The following CDK14 variants were observed in gnomAD, a reference collection of about 807,000 sequenced individuals.
CDK14 encodes cyclin dependent kinase 14, also known as cyclin-dependent kinase 14.
CDK14 carries 34 observed loss-of-function variants against 60.7 expected under a neutral mutation model. The observed-to-expected ratio is 0.56, with a 90% confidence interval of 0.43 to 0.75. The LOEUF is 0.75. Among genes scored for constraint, CDK14 ranks in the 30% least tolerant of loss-of-function variants. The probability of loss-of-function intolerance (pLI) is 0.00; values close to 1 mark genes in which losing one functional copy is unlikely to be tolerated. For missense variants in CDK14, 482 were observed against 564.1 expected (o/e 0.85, Z 1.47); for synonymous variants, 197 against 203.7 (o/e 0.97, Z 0.28).
intron 2 of CDK14, among the ~76,000 whole-genome samples, chr7:90,672,254 T>C (rs1230337222): frequency 1.3e-5 from 2 of 152,196 alleles, no homozygotes; most frequent in Non-Finnish European, 2.9e-5. Context: ...TGTAAAACCA[T>C]TACCACGGTT....
At chr7:91,163,687 G>A (rs1301319218) in intron 14 of CDK14, among the ~76,000 whole-genome samples, 1 of 152,040 alleles carries the variant, frequency 6.6e-6, no homozygotes, top group Non-Finnish European at 1.5e-5. Context: ...TACTTGTGCA[G>A]TAGATCTCAA....
chr7:90,691,325 G>T (rs143686035), intron 2 of CDK14, among the ~76,000 whole-genome samples: 2 of 152,082 alleles, frequency 1.3e-5, no homozygotes, highest in Non-Finnish European at 2.9e-5. Context: ...TAAAGAGAAG[G>T]GGGGTATAGG....
chr7:91,166,015 A>G lies in CDK14; in HGVS notation c.*29-41150A>G, dbSNP rs184276072. Among the ~76,000 whole-genome samples, 4 of 152,312 alleles carry G rather than the reference A, an allele frequency of 2.6e-5. No homozygotes were observed. In the East Asian group the frequency reaches 5.8e-4, roughly 22 times the overall value. ...AGAACAGTTTTCAGTATTTCCCTCT[A>G]TTGGTATTTGTGGGTGCCCTTCAAA... On this transcript the variant is annotated intron_variant, in intron 14 of 14. Transcript: ENST00000380050.
At chr7:90,853,536 ACACT>A (rs1205170472) in intron 5 of CDK14, among the ~76,000 whole-genome samples, 6 of 152,038 alleles carry the variant, frequency 3.9e-5, no homozygotes, top group African/African-American at 7.2e-5. Context: ...ACACACACAC[ACACT>A]CACACACACC....
chr7:91,062,602 C>T (rs991898679), intron 11 of CDK14, among the ~76,000 whole-genome samples: 5 of 152,172 alleles, frequency 3.3e-5, no homozygotes, highest in African/African-American at 1.2e-4. Context: ...TTTTAAGTGT[C>T]ACATAGCTGA....
At chr7:91,027,922 CCTCCCCTCCGCTCCCCTCCGCTCCA>C (rs1796641609) in intron 10 of CDK14, among the ~76,000 whole-genome samples, 1 of 52,180 alleles carries the variant, frequency 1.9e-5, no homozygotes, top group Non-Finnish European at 3.6e-5. Flanking sequence ...CCTCCCCTCC[CCTCCCCTCCGCTCCCCTCCGCTCCA>C]CTCCCCTCCG....
At chr7:90,926,435 T>C (rs1169033847) in intron 8 of CDK14, among the ~76,000 whole-genome samples, 1 of 152,220 alleles carries the variant, frequency 6.6e-6, no homozygotes, top group Non-Finnish European at 1.5e-5. Flanking sequence ...TCTTTAATTA[T>C]ATTCCTGGGT....
intron 7 of CDK14, among the ~76,000 whole-genome samples, chr7:90,914,796 CCTTAG>C (rs1299720937): frequency 1.3e-5 from 2 of 152,188 alleles, no homozygotes; most frequent in East Asian, 3.9e-4. Context: ...CTATGTCTGC[CCTTAG>C]CTTCTCGAGA....
At chr7:90,710,343 T>C (rs1802015173) in intron 2 of CDK14, 1 of 985,146 alleles carries the variant, frequency 1.0e-6, no homozygotes, top group Admixed American at 6.2e-5. Context: ...TGCCTGGCTG[T>C]GCTTGGCTGA....
chr7:91,062,424 C>T (rs761742560), intron 11 of CDK14, among the ~76,000 whole-genome samples: 6 of 152,060 alleles, frequency 3.9e-5, no homozygotes, highest in Non-Finnish European at 8.8e-5. Context: ...CACTCTCCGA[C>T]ATTCACCAGT....
At chr7:91,074,854 C>T (rs963520167) in intron 11 of CDK14, among the ~76,000 whole-genome samples, 1 of 152,098 alleles carries the variant, frequency 6.6e-6, no homozygotes, top group Non-Finnish European at 1.5e-5. Context: ...TCAGAGAATA[C>T]TGTAAACACC....
chr7:90,655,233 A>G (rs761441350), intron 2 of CDK14, among the ~76,000 whole-genome samples: 8 of 152,114 alleles, frequency 5.3e-5, no homozygotes, highest in Non-Finnish European at 1.0e-4. Context: ...CCATTTACCC[A>G]TTGATGTAAC....
chr7:90,844,437 AAGAGCACTGGCCTT>A (rs1790395590), intron 5 of CDK14, among the ~76,000 whole-genome samples: 2 of 152,212 alleles, frequency 1.3e-5, no homozygotes, highest in Admixed American at 6.5e-5. Context: ...AGATGGTAGA[AAGAGCACTGGCCTT>A]AGAGTCATGA....
At chr7:90,661,232 C>CAA (rs199674024) in intron 2 of CDK14, among the ~76,000 whole-genome samples, 7,231 of 152,246 alleles carry the variant, frequency 0.047, 205 homozygotes, top group Non-Finnish European at 0.055. Context: ...AAAGCCAAAA[C>CAA]AAAACATCTT....
intron 11 of CDK14, among the ~76,000 whole-genome samples, chr7:91,064,804 A>G (rs537142824): frequency 6.6e-6 from 1 of 152,322 alleles, no homozygotes; most frequent in South Asian, 2.1e-4. Flanking sequence ...GGATGCACAG[A>G]GAGTGAGACA....
chr7:90,941,845 C>T (rs561976053), intron 8 of CDK14, among the ~76,000 whole-genome samples: 23 of 152,278 alleles, frequency 1.5e-4, no homozygotes, highest in Admixed American at 5.9e-4. Flanking sequence ...TATTCCTTTT[C>T]ATGCCACCAT....
chr7:90,634,929 T>C (rs1800101050), intron 2 of CDK14, among the ~76,000 whole-genome samples: 1 of 152,224 alleles, frequency 6.6e-6, no homozygotes, highest in Non-Finnish European at 1.5e-5. Flanking sequence ...CATAAATGTC[T>C]TCTTTTGAGA....
intron 8 of CDK14, among the ~76,000 whole-genome samples, chr7:90,953,672 T>G (rs1456265257): frequency 1.3e-5 from 2 of 152,180 alleles, no homozygotes; most frequent in Non-Finnish European, 2.9e-5. Context: ...TTTTTTTTCA[T>G]TCTCTCATCC....
At position 91,183,401 on chromosome 7, in the gene CDK14, C is replaced by T. The variant is rs369460095; in HGVS notation, c.*29-23764C>T. On this transcript the variant is annotated intron_variant, in intron 14 of 14. Coordinates refer to ENST00000380050, the MANE Select transcript of CDK14 (RefSeq NM_001287135.2). Reference sequence around the variant, plus strand: ...TTTTCTACCCTTACTTATTCATGGTCCCATTCTGCACCCAGTCACTCTAGC... The same window carrying T: ...TTTTCTACCCTTACTTATTCATGGTTCCATTCTGCACCCAGTCACTCTAGC... 5.9e-5 allele frequency among the ~76,000 whole-genome samples: 9 copies of T among 152,310 alleles called. No individual in the cohort carries two copies. The East Asian group carries it at 1.5e-3, about 26-fold the overall frequency.
Sources: allele counts gnomAD v4.1 joint callset (sites outside exome capture counted in the v4.1 genomes callset), GRCh38; gene constraint gnomAD v4.1.1; transcripts MANE v1.5; gene names NCBI Gene and HGNC (gene_info 2026-07-23, HGNC 2026-07-21).